Variants in ACYP2 observed in about 807,000 individuals in gnomAD.
The protein encoded by ACYP2 is acylphosphatase-2.
Under a neutral mutation model 11.2 loss-of-function variants are expected in ACYP2, and 12 were observed. That is an observed-to-expected ratio of 1.08 (90% CI 0.69 to 1.74). ACYP2 has a LOEUF of 1.74. Ranked by LOEUF, ACYP2 falls within the 40% of genes most tolerant of loss-of-function variation. The pLI is 0.00. For synonymous variants in ACYP2, 43 were observed against 32.2 expected (o/e 1.33, Z -1.13); for missense variants, 134 against 101.9 (o/e 1.31, Z -1.35).
chr2:54,121,575 T>A (rs1680160531), intron 4 of ACYP2, among the ~76,000 whole-genome samples: 1 of 152,212 alleles, frequency 6.6e-6, no homozygotes. Context: ...AATGCATGAT[T>A]TAGAAGTACA....
At position 53,992,568 on chromosome 2, in the gene ACYP2, C is replaced by T. The variant is rs768116181; in HGVS notation, c.62+18758C>T. On this transcript the variant is annotated intron_variant, in intron 2 of 6. Coordinates refer to ENST00000607452, the MANE Select transcript of ACYP2 (RefSeq NM_001320586.2). ...TTTGGAGGTCGGGTGCGGTGGCTCA[C>T]GCCTGTAATCCCAGCACTTTGGGAG... is the stretch of plus-strand genomic sequence containing the variant. 2.0e-5 allele frequency among the ~76,000 whole-genome samples: 3 copies of T among 152,132 alleles called. No individual in the cohort carries two copies. In the East Asian group the frequency reaches 5.8e-4, roughly 29 times the overall value.
chr2:54,013,235 A>G (rs1048928911), intron 2 of ACYP2, among the ~76,000 whole-genome samples: 4 of 124,162 alleles, frequency 3.2e-5, no homozygotes, highest in Non-Finnish European at 4.8e-5. Flanking sequence ...TGGTCAATAT[A>G]ACATTTACCA....
intron 6 of ACYP2, among the ~76,000 whole-genome samples, chr2:54,291,755 T>C (rs1396915042): frequency 6.6e-6 from 1 of 152,066 alleles, no homozygotes; most frequent in Non-Finnish European, 1.5e-5. Context: ...CCTGGACTGA[T>C]AGTTAGGGTA....
chr2:54,136,162 G>C (rs1327136985), intron 5 of ACYP2, among the ~76,000 whole-genome samples: 1 of 152,106 alleles, frequency 6.6e-6, no homozygotes, highest in Non-Finnish European at 1.5e-5. Flanking sequence ...GCCTCCCAGA[G>C]TGCTGGAATT....
chr2:53,975,819 G>T (rs142869460), intron 2 of ACYP2, among the ~76,000 whole-genome samples: 1 of 152,040 alleles, frequency 6.6e-6, no homozygotes, highest in East Asian at 1.9e-4. Context: ...GTGACAGAGC[G>T]AGACTCTCAA....
chr2:53,998,568 A>T (rs1053374772), intron 2 of ACYP2, among the ~76,000 whole-genome samples: 1 of 152,138 alleles, frequency 6.6e-6, no homozygotes, highest in East Asian at 1.9e-4. Flanking sequence ...TAATCCCAGC[A>T]CTTTGGGAGG....
At chr2:54,101,179 G>A (rs1678871947) in intron 4 of ACYP2, among the ~76,000 whole-genome samples, 1 of 152,116 alleles carries the variant, frequency 6.6e-6, no homozygotes, top group African/African-American at 2.4e-5. Context: ...GGCCTGTAGG[G>A]AAGAACCCTT....
In ACYP2 at chr2:54,119,083, T is replaced by A. The variant is rs916297569; in HGVS notation, c.278-16370T>A. Among the ~76,000 whole-genome samples the A allele has an allele frequency of 1.1e-4, 10 of 88,734 alleles. No individual in the cohort carries two copies. The South Asian group carries it at 2.1e-3, about 19-fold the overall frequency. The allele number at this position is 88,734 out of a possible 152,430, so 58.2% of individuals were successfully genotyped here. On this transcript the variant is annotated intron_variant, in intron 4 of 6. Transcript: ENST00000607452. ...TTTTTTTTTTTTTTTTTTTTTTTTTTAACAGGGTCTCATTATGTCACCCGG... is the reference window on the plus strand; with the variant it reads ...TTTTTTTTTTTTTTTTTTTTTTTTTAAACAGGGTCTCATTATGTCACCCGG...
intron 2 of ACYP2, among the ~76,000 whole-genome samples, chr2:54,019,955 G>A (rs966049748): frequency 5.9e-5 from 9 of 151,696 alleles, no homozygotes; most frequent in African/African-American, 1.7e-4. Context: ...TTGTTTGTTT[G>A]TTTTTGAGAC....
intron 3 of ACYP2, chr2:54,051,630 C>T: frequency 4.0e-6 from 3 of 741,206 alleles, no homozygotes; most frequent in Middle Eastern, 3.4e-4. Flanking sequence ...GACAAGCAGC[C>T]TTATGAAAAG....
chr2:54,289,779 G>A (rs550538338), intron 6 of ACYP2, among the ~76,000 whole-genome samples: 3 of 151,782 alleles, frequency 2.0e-5, no homozygotes, highest in Non-Finnish European at 2.9e-5. Flanking sequence ...AATCCTGGGA[G>A]GTTCAAAAGG....
chr2:54,023,534 T>A (rs1674113018), intron 2 of ACYP2, among the ~76,000 whole-genome samples: 1 of 152,216 alleles, frequency 6.6e-6, no homozygotes. Flanking sequence ...AGTTTTCCAG[T>A]CTTTTACATT....
chr2:54,034,815 C>T (rs1157910953), intron 2 of ACYP2, among the ~76,000 whole-genome samples: 1 of 151,902 alleles, frequency 6.6e-6, no homozygotes, highest in Non-Finnish European at 1.5e-5. Context: ...TCAAGACCAG[C>T]CTGGCCAACA....
At chr2:53,984,906 A>G (rs1434002831) in intron 2 of ACYP2, among the ~76,000 whole-genome samples, 1 of 151,984 alleles carries the variant, frequency 6.6e-6, no homozygotes, top group Non-Finnish European at 1.5e-5. Context: ...ACCTGTTAAA[A>G]TGTTTATCAA....
At chr2:54,108,398 C>A (rs1392550689) in intron 4 of ACYP2, among the ~76,000 whole-genome samples, 1 of 152,220 alleles carries the variant, frequency 6.6e-6, no homozygotes, top group Non-Finnish European at 1.5e-5. Context: ...GACACGAAGG[C>A]CCTTGTTGTC....
At chr2:54,124,368 G>A (rs942742778) in intron 4 of ACYP2, among the ~76,000 whole-genome samples, 11 of 152,028 alleles carry the variant, frequency 7.2e-5, no homozygotes, top group Admixed American at 7.2e-4. Flanking sequence ...CTAATTTTTT[G>A]TATTTTTAGT....
intron 2 of ACYP2, among the ~76,000 whole-genome samples, chr2:54,001,750 A>G (rs955535641): frequency 1.9e-4 from 29 of 152,222 alleles, no homozygotes; most frequent in African/African-American, 6.5e-4. Flanking sequence ...GATTTGGGGT[A>G]AGGCCCAAGT....
chr2:54,253,403 G>A (rs189976559), intron 6 of ACYP2: 2 of 152,144 alleles, frequency 1.3e-5, no homozygotes, highest in African/African-American at 4.8e-5. Context: ...AATCTGTACA[G>A]CTGAATCTTC....
intron 2 of ACYP2, among the ~76,000 whole-genome samples, chr2:54,040,638 C>G (rs11887593): frequency 0.094 from 14,303 of 152,088 alleles, 911 homozygotes; most frequent in African/African-American, 0.18. Context: ...AAGTGCCCTT[C>G]TAAAAACTAT....
Sources: gnomAD v4.1 joint callset for allele counts (sites outside exome capture counted in the v4.1 genomes callset) on GRCh38, gnomAD v4.1.1 for gene constraint, MANE v1.5 for transcripts, NCBI Gene and HGNC (gene_info 2026-07-23, HGNC 2026-07-21) for gene names.